The following NELL1 variants were observed in gnomAD, a reference collection of about 807,000 sequenced individuals.
NELL1 encodes protein kinase C-binding protein NELL1.
Under a neutral mutation model 107.4 loss-of-function variants are expected in NELL1, and 76 were observed. That is an observed-to-expected ratio of 0.71 (90% confidence interval 0.59 to 0.86). The LOEUF (loss-of-function observed/expected upper bound fraction) is 0.86. NELL1 is among the 40% of genes least tolerant of loss of function. The pLI, the probability that NELL1 is intolerant of heterozygous loss-of-function variation, is 0.00. For synonymous variants in NELL1, 353 were observed against 341.2 expected, an observed-to-expected ratio of 1.03 and a Z score of -0.38; for missense variants, 1,024 against 1,005.5, an observed-to-expected ratio of 1.02 and a Z score of -0.25.
chr11:21,498,706 T>C (rs1426636731), intron 15 of NELL1, among the ~76,000 whole-genome samples: 1 of 152,032 alleles, frequency 6.6e-6, no homozygotes, highest in East Asian at 1.9e-4. Flanking sequence ...GATAGGACTA[T>C]ATTCAATTTT....
At chr11:20,698,938 T>A (rs1034037022) in intron 2 of NELL1, among the ~76,000 whole-genome samples, 1 of 152,132 alleles carries the variant, frequency 6.6e-6, no homozygotes, top group Non-Finnish European at 1.5e-5. Context: ...GTCTCCAAAC[T>A]GGGCGTGGTG....
chr11:20,781,859 T>C (rs1380977576), intron 2 of NELL1, among the ~76,000 whole-genome samples: 2 of 116,516 alleles, frequency 1.7e-5, no homozygotes, highest in Non-Finnish European at 3.3e-5. Context: ...GGAAACCCTG[T>C]CTCTACCAAA....
At chr11:21,387,356 C>A (rs1851770807) in intron 15 of NELL1, among the ~76,000 whole-genome samples, 1 of 151,784 alleles carries the variant, frequency 6.6e-6, no homozygotes, top group African/African-American at 2.4e-5. Context: ...ATTGTCTCTT[C>A]CTCCCACTTG....
intron 10 of NELL1, among the ~76,000 whole-genome samples, chr11:20,938,453 A>T (rs146210430): frequency 4.4e-4 from 67 of 152,344 alleles, no homozygotes; most frequent in African/African-American, 1.6e-3. Flanking sequence ...GAGAGACAGT[A>T]AGAATTAAAC....
At chr11:21,309,714 T>C (rs1451463272) in intron 14 of NELL1, among the ~76,000 whole-genome samples, 2 of 151,532 alleles carry the variant, frequency 1.3e-5, no homozygotes, top group African/African-American at 4.9e-5. Flanking sequence ...CAAGGAGGAG[T>C]AAGTCACGTC....
intron 13 of NELL1, among the ~76,000 whole-genome samples, chr11:21,171,067 G>A (rs896364919): frequency 6.6e-6 from 1 of 151,716 alleles, no homozygotes; most frequent in Non-Finnish European, 1.5e-5. Flanking sequence ...CAGTGAATAC[G>A]TACATATCCA....
At chr11:21,032,803 T>G (rs1275563893) in intron 12 of NELL1, among the ~76,000 whole-genome samples, 1 of 152,232 alleles carries the variant, frequency 6.6e-6, no homozygotes. Flanking sequence ...ATTATTATAC[T>G]GCACAGTCAT....
chr11:20,738,013 G>A (rs1327209247), intron 2 of NELL1, among the ~76,000 whole-genome samples: 9 of 150,972 alleles, frequency 6.0e-5, no homozygotes, highest in African/African-American at 2.2e-4. Context: ...CTATATCCCA[G>A]TTATTGGTAT....
intron 2 of NELL1, among the ~76,000 whole-genome samples, chr11:20,703,387 C>T (rs969861762): frequency 1.3e-5 from 2 of 152,036 alleles, no homozygotes; most frequent in Admixed American, 1.3e-4. Flanking sequence ...TGATTCTTCT[C>T]TCTTTTCTTC....
At chr11:21,519,469 C>A (rs760461359) in intron 15 of NELL1, among the ~76,000 whole-genome samples, 2 of 151,798 alleles carry the variant, frequency 1.3e-5, no homozygotes. Flanking sequence ...TGATTGAGAC[C>A]AACAGTGATT....
chr11:21,483,990 CATATATATATATATATAT>C (rs781565679), intron 15 of NELL1, among the ~76,000 whole-genome samples: 29,423 of 88,576 alleles, frequency 0.33, 4,449 homozygotes, highest in South Asian at 0.49. Flanking sequence ...TTTTACTTAA[CATATATATATATATATAT>C]ATATATATAT....
intron 2 of NELL1, among the ~76,000 whole-genome samples, chr11:20,688,989 T>C (rs1854379911): frequency 6.6e-6 from 1 of 152,118 alleles, no homozygotes; most frequent in Admixed American, 6.6e-5. Flanking sequence ...TATCTCTTTG[T>C]GGTTTGGATT....
chr11:21,217,381 G>T (rs145082954), intron 13 of NELL1, among the ~76,000 whole-genome samples: 1 of 152,188 alleles, frequency 6.6e-6, no homozygotes, highest in Non-Finnish European at 1.5e-5. Flanking sequence ...GAAGCTGAGT[G>T]AAAGGTACAT....
intron 12 of NELL1, among the ~76,000 whole-genome samples, chr11:20,999,440 T>C (rs900705322): frequency 4.6e-5 from 7 of 152,188 alleles, no homozygotes. Flanking sequence ...CCACCTGTTG[T>C]TCTGTTCCGT....
intron 12 of NELL1, among the ~76,000 whole-genome samples, chr11:21,080,163 T>C (rs1193795551): frequency 6.6e-6 from 1 of 152,030 alleles, no homozygotes; most frequent in African/African-American, 2.4e-5. Context: ...AAAGTATTTG[T>C]CTATGTCTTA....
intron 13 of NELL1, among the ~76,000 whole-genome samples, chr11:21,223,053 T>C (rs1857799061): frequency 6.6e-6 from 1 of 152,322 alleles, no homozygotes; most frequent in Admixed American, 6.5e-5. Flanking sequence ...CTTTTATGTC[T>C]ATTTGGCCTA....
chr11:21,308,055 C>T (rs1849646341), intron 14 of NELL1, among the ~76,000 whole-genome samples: 1 of 151,950 alleles, frequency 6.6e-6, no homozygotes, highest in African/African-American at 2.4e-5. Flanking sequence ...AATCACATAG[C>T]TCTAGGTTGG....
intron 15 of NELL1, among the ~76,000 whole-genome samples, chr11:21,532,140 T>C (rs1035006233): frequency 5.9e-5 from 9 of 152,164 alleles, no homozygotes; most frequent in African/African-American, 2.2e-4. Context: ...CTGTGAAAAG[T>C]ACAGTTGTCA....
At chr11:21,453,263 G>A (rs1408569286) in intron 15 of NELL1, among the ~76,000 whole-genome samples, 1 of 152,000 alleles carries the variant, frequency 6.6e-6, no homozygotes, top group Admixed American at 6.5e-5. Flanking sequence ...GGTTTTATCA[G>A]TTATTGCTTC....
Sources: allele counts gnomAD v4.1 joint callset (sites outside exome capture counted in the v4.1 genomes callset), GRCh38; gene constraint gnomAD v4.1.1; transcripts MANE v1.5; gene names NCBI Gene and HGNC (gene_info 2026-07-23, HGNC 2026-07-21).